Variants in ARHGAP26 observed in about 807,000 individuals in gnomAD.
ARHGAP26 encodes Rho GTPase activating protein 26.
In ARHGAP26, 38 loss-of-function variants were observed where a neutral mutation model predicts 104.8. The ratio of observed to expected loss-of-function variants is 0.36; its 90% confidence interval spans 0.28 to 0.48. The LOEUF is 0.48. Ranked by LOEUF, ARHGAP26 falls within the 20% of genes least tolerant of loss-of-function variation. The probability of loss-of-function intolerance (pLI) is 0.99; values close to 1 mark genes in which losing one functional copy is unlikely to be tolerated. For missense variants in ARHGAP26, 704 were observed against 947.9 expected, an observed-to-expected ratio of 0.74 and a Z score of 3.38; for synonymous variants, 341 against 340.0, an observed-to-expected ratio of 1.00 and a Z score of -0.03.
rs150010853 is a variant in ARHGAP26, at chr5:142,963,283, G to A, written c.1107+31158G>A. Among the ~76,000 whole-genome samples the A allele has an allele frequency of 6.1e-4, 91 of 150,114 alleles. No individual in the cohort carries two copies. In the East Asian group the frequency reaches 0.017, roughly 29 times the overall value. On this transcript the variant is annotated intron_variant, in intron 11 of 22. Transcript: ENST00000645722. Reference sequence around the variant, plus strand: ...ATTGATGGGCATTTAGATTGATTCCGTGACTTTGCTATTGATAATAGTGCT... The same window carrying A: ...ATTGATGGGCATTTAGATTGATTCCATGACTTTGCTATTGATAATAGTGCT...
chr5:143,084,092 C>G (rs1400706262), intron 17 of ARHGAP26, among the ~76,000 whole-genome samples: 1 of 152,116 alleles, frequency 6.6e-6, no homozygotes, highest in Non-Finnish European at 1.5e-5. Flanking sequence ...AAAGTGTGGT[C>G]AAAACTATAA....
In ARHGAP26 at chr5:142,947,412, C is replaced by T. The variant is rs73290501; in HGVS notation, c.1107+15287C>T. Among the ~76,000 whole-genome samples the T allele has an allele frequency of 5.4e-3, 821 of 152,308 alleles. 3 individuals carry two copies. Among genetic ancestry groups the T allele is most frequent in the African/African-American group, 0.019 (787 of 41,558 alleles). On this transcript the variant is annotated intron_variant, in intron 11 of 22. Coordinates refer to ENST00000645722, the MANE Select transcript of ARHGAP26 (RefSeq NM_001135608.3). The stretch of plus-strand genomic sequence containing the variant: ...ATTACTACTTTGCTGAGATGAATGT[C>T]ATCTTTCTCCTACAGTAGTTGTTGG...
intron 1 of ARHGAP26, among the ~76,000 whole-genome samples, chr5:142,807,157 A>AATGC (rs1375927379): frequency 6.6e-6 from 1 of 152,274 alleles, no homozygotes; most frequent in Non-Finnish European, 1.5e-5. Context: ...AATAACAGTG[A>AATGC]ATGCATTGAG....
intron 9 of ARHGAP26, chr5:142,909,016 A>AG (rs1554147917): frequency 6.4e-6 from 1 of 157,394 alleles, no homozygotes; most frequent in Non-Finnish European, 1.5e-5. Context: ...CCTAGCTTTG[A>AG]TTTTTTTCTT....
chr5:143,023,958 G>T (rs904641108), intron 12 of ARHGAP26, among the ~76,000 whole-genome samples: 1 of 152,146 alleles, frequency 6.6e-6, no homozygotes, highest in Non-Finnish European at 1.5e-5. Context: ...CTTCTGAGCC[G>T]CAGTCAGGCG....
intron 19 of ARHGAP26, among the ~76,000 whole-genome samples, chr5:143,144,449 A>G (rs1455402967): frequency 6.6e-6 from 1 of 152,122 alleles, no homozygotes; most frequent in African/African-American, 2.4e-5. Context: ...TCTGTCACCT[A>G]GGCTGGAGTG....
At chr5:142,963,187 T>TAC (rs1770634848) in intron 11 of ARHGAP26, among the ~76,000 whole-genome samples, 2 of 96,202 alleles carry the variant, frequency 2.1e-5, no homozygotes, top group South Asian at 4.5e-4. Flanking sequence ...TATATATATA[T>TAC]ATATATATAT....
intron 20 of ARHGAP26, among the ~76,000 whole-genome samples, chr5:143,195,744 T>G (rs1806723124): frequency 6.6e-6 from 1 of 152,148 alleles, no homozygotes; most frequent in Non-Finnish European, 1.5e-5. Flanking sequence ...GGCTGAACTA[T>G]CATTTTGCCT....
At chr5:143,220,615 C>A (rs1474485588) in intron 22 of ARHGAP26, among the ~76,000 whole-genome samples, 2 of 152,166 alleles carry the variant, frequency 1.3e-5, no homozygotes, top group Non-Finnish European at 2.9e-5. Context: ...GGCCAGGTTG[C>A]TTTTAAGTTG....
chr5:143,187,637 C>A (rs887175122), intron 20 of ARHGAP26, among the ~76,000 whole-genome samples: 1 of 152,238 alleles, frequency 6.6e-6, no homozygotes, highest in Admixed American at 6.5e-5. Flanking sequence ...AGTTTCCCGA[C>A]GTCAGTTTGC....
At chr5:143,150,208 C>A (rs1301612783) in intron 20 of ARHGAP26, among the ~76,000 whole-genome samples, 1 of 152,194 alleles carries the variant, frequency 6.6e-6, no homozygotes, top group Non-Finnish European at 1.5e-5. Context: ...GGACCAAAGT[C>A]CAGCTAGTCT....
At chr5:143,028,461 G>T (rs1488082213) in intron 12 of ARHGAP26, among the ~76,000 whole-genome samples, 2 of 152,138 alleles carry the variant, frequency 1.3e-5, no homozygotes, top group African/African-American at 2.4e-5. Context: ...ACCCTATGGG[G>T]TTATCATAAA....
chr5:143,030,261 T>C (rs894522638), intron 12 of ARHGAP26, among the ~76,000 whole-genome samples: 1 of 152,172 alleles, frequency 6.6e-6, no homozygotes, highest in African/African-American at 2.4e-5. Context: ...AGGGGCTCTC[T>C]TGACCCTCAG....
At chr5:143,177,081 G>A (rs1426901733) in intron 20 of ARHGAP26, among the ~76,000 whole-genome samples, 1 of 152,178 alleles carries the variant, frequency 6.6e-6, no homozygotes, top group Non-Finnish European at 1.5e-5. Flanking sequence ...TCATTTGCCT[G>A]TTAGTTCTGT....
At chr5:143,104,500 G>A (rs1032389422) in intron 17 of ARHGAP26, among the ~76,000 whole-genome samples, 3 of 152,110 alleles carry the variant, frequency 2.0e-5, no homozygotes, top group African/African-American at 7.2e-5. Flanking sequence ...GAGAGAGTGA[G>A]AACCTGTCTC....
chr5:142,985,866 A>G (rs1774638020), intron 11 of ARHGAP26, among the ~76,000 whole-genome samples: 1 of 151,988 alleles, frequency 6.6e-6, no homozygotes, highest in African/African-American at 2.4e-5. Flanking sequence ...ATAGTATTCC[A>G]TGGTGTATAT....
In ARHGAP26 at chr5:142,901,488, C is replaced by T. The variant is rs1276660059; in HGVS notation, c.598-447C>T. Among the ~76,000 whole-genome samples, 5 of 152,318 alleles carry T rather than the reference C, an allele frequency of 3.3e-5. No individual in the cohort carries two copies. In the East Asian group the frequency reaches 7.7e-4, roughly 23 times the overall value. The stretch of plus-strand genomic sequence containing the variant: ...ACACCCCACTTCCTTTTCTGCCTTC[C>T]TCTTCTGTGTAATAACCTGATACTA... On this transcript the variant is annotated intron_variant, in intron 6 of 22. Coordinates refer to ENST00000645722, the MANE Select transcript of ARHGAP26 (RefSeq NM_001135608.3).
intron 17 of ARHGAP26, among the ~76,000 whole-genome samples, chr5:143,084,874 G>A (rs1598939623): frequency 6.6e-6 from 1 of 151,866 alleles, no homozygotes; most frequent in African/African-American, 2.4e-5. Context: ...GTGAAACTCC[G>A]TCTCTACTAA....
chr5:142,840,645 T>G (rs920454008), intron 1 of ARHGAP26, among the ~76,000 whole-genome samples: 1 of 152,200 alleles, frequency 6.6e-6, no homozygotes, highest in African/African-American at 2.4e-5. Context: ...ATCGTCTTAT[T>G]TGAGCCTAGT....
Sources: gnomAD v4.1 joint callset for allele counts (sites outside exome capture counted in the v4.1 genomes callset) on GRCh38, gnomAD v4.1.1 for gene constraint, MANE v1.5 for transcripts, NCBI Gene and HGNC (gene_info 2026-07-23, HGNC 2026-07-21) for gene names.